OXNAD1: variants seen among roughly 807,000 people sequenced by gnomAD.
The protein encoded by OXNAD1 is oxidoreductase NAD-binding domain-containing protein 1.
A neutral mutation model predicts 32.9 loss-of-function variants in OXNAD1; 34 were observed. That is an observed-to-expected ratio of 1.03 (90% CI 0.79 to 1.38). The LOEUF (loss-of-function observed/expected upper bound fraction) is 1.38, where lower values mean the gene tolerates loss of function less well. OXNAD1 is among the 40% of genes most tolerant of loss of function. The pLI is 0.00. For synonymous variants in OXNAD1, 134 were observed against 135.2 expected (o/e 0.99, Z 0.06); for missense variants, 407 against 379.4 (o/e 1.07, Z -0.60).
chr3:16,312,117 T>G lies in OXNAD1; in HGVS notation c.*30+8525T>G, dbSNP rs2068019419. The stretch of plus-strand genomic sequence containing the variant: ...GGGTTCATTTTCTTAGTCTAGCCAC[T>G]GAAACGATTGTTATCAACAGGAACC... On this transcript the variant is annotated intron_variant, in intron 9 of 9. Coordinates refer to the OXNAD1 transcript ENST00000435829. This position sits in a 1 kb window ranked among gnomAD's most constrained non-coding sequence, Gnocchi z 4.7. 6.6e-6 allele frequency among the ~76,000 whole-genome samples: 1 copy of G among 152,214 alleles called. No individual in the cohort carries two copies. Among genetic ancestry groups the G allele is most frequent in the African/African-American group, 2.4e-5 (1 of 41,458 alleles).
intron 1 of OXNAD1, among the ~76,000 whole-genome samples, chr3:16,266,011 T>A (rs867913283): frequency 6.6e-6 from 1 of 152,232 alleles, no homozygotes; most frequent in Non-Finnish European, 1.5e-5. Context: ...ACCGATTACA[T>A]TGGGTCTTAC....
In OXNAD1 at chr3:16,287,588, A is replaced by G. The variant is rs960989563; in HGVS notation, c.290+1140A>G. On this transcript the variant is annotated intron_variant, in intron 5 of 8. Transcript: ENST00000285083. The surrounding 1 kb of genome is among the most constrained non-coding windows in gnomAD (Gnocchi z 4.8). ...CTTTAATTGTAATGATCTGTTTTCC[A>G]TATTTCCTTTCTGTGGAAATGTTTG... Among the ~76,000 whole-genome samples the G allele has an allele frequency of 2.6e-5, 4 of 152,210 alleles. No individual in the cohort carries two copies. The highest frequency in any genetic ancestry group is 4.8e-5 in the African/African-American group (2 of 41,458).
intron 6 of OXNAD1, among the ~76,000 whole-genome samples, chr3:16,300,856 T>G (rs1309035887): frequency 1.3e-5 from 2 of 152,166 alleles, no homozygotes; most frequent in Non-Finnish European, 2.9e-5. Context: ...TAAATGCCAG[T>G]TGGATTCCCC....
At chr3:16,294,800 TTTAC>T (rs2066661495) in intron 5 of OXNAD1, 52 bp from the exon 6 acceptor site, 3 of 1,549,222 alleles carry the variant, frequency 1.9e-6, no homozygotes, top group Non-Finnish European at 2.6e-6. Context: ...TTCTGTTTAA[TTTAC>T]CAATTTTTAA....
At position 16,346,085 on chromosome 3, in the gene OXNAD1, G is replaced by C. The variant is rs1414023983; in HGVS notation, c.*31-3091G>C. 6.6e-6 allele frequency: 1 copy of C among 152,130 alleles called. No homozygotes were observed. The highest frequency in any genetic ancestry group is 1.5e-5 in the Non-Finnish European group (1 of 68,020). The allele number at this position is 152,130 out of a possible 1,614,324, so 9.4% of individuals were successfully genotyped here. A position where few individuals can be genotyped will look rare whatever the true frequency, so the allele number is the denominator to read the frequency against. ...CCTCTCCCCTCGTCAGATTGAAAAGGTTCCTATGATTTAGGGTCTTCCAGC... is the reference window on the plus strand; with the variant it reads ...CCTCTCCCCTCGTCAGATTGAAAAGCTTCCTATGATTTAGGGTCTTCCAGC... On this transcript the variant is annotated intron_variant, in intron 9 of 9. Coordinates refer to the OXNAD1 transcript ENST00000606098. The surrounding 1 kb of genome is among the most constrained non-coding windows in gnomAD (Gnocchi z 4.4).
At chr3:16,276,737 A>G (rs1198542928) in intron 4 of OXNAD1, 2 of 152,160 alleles carry the variant, frequency 1.3e-5, no homozygotes, top group African/African-American at 4.8e-5. Flanking sequence ...TTATAGGACA[A>G]AATTATTGGG....
chr3:16,328,532 C>G (rs2069963170), intron 9 of OXNAD1, among the ~76,000 whole-genome samples: 1 of 152,192 alleles, frequency 6.6e-6, no homozygotes, highest in Non-Finnish European at 1.5e-5. Context: ...TCACCTGAAC[C>G]CTTGGCGACT....
chr3:16,272,979 C>T lies in OXNAD1; in HGVS notation c.183+1257C>T, dbSNP rs185699063. Reference sequence around the variant, plus strand: ...AATACTTTAGATTTTTTGGGCCGTGCTGTCTTAATTACAACTTCTAATCTT... The same window carrying T: ...AATACTTTAGATTTTTTGGGCCGTGTTGTCTTAATTACAACTTCTAATCTT... On this transcript the variant is annotated intron_variant, in intron 4 of 8. Transcript: ENST00000285083. Among the ~76,000 whole-genome samples, 221 of 152,148 alleles carry T rather than the reference C, an allele frequency of 1.5e-3. 1 individual carries two copies. Among genetic ancestry groups the T allele is most frequent in the African/African-American group, 5.1e-3 (213 of 41,498 alleles).
Position 16,344,897 on chromosome 3 carries a change from G to A in OXNAD1, c.*31-4279G>A, listed in dbSNP as rs886660331. On this transcript the variant is annotated intron_variant, in intron 9 of 9. Coordinates refer to the OXNAD1 transcript ENST00000606098. This position sits in a 1 kb window ranked among gnomAD's most constrained non-coding sequence, Gnocchi z 4.4. ...CACCCCCCAACCTTTTATGCTCACT[G>A]ATTTAATATACTTCAGTTCTCTCTG... Among the ~76,000 whole-genome samples the A allele has an allele frequency of 6.6e-6, 1 of 152,238 alleles. No individual in the cohort carries two copies. Among genetic ancestry groups the A allele is most frequent in the African/African-American group, 2.4e-5 (1 of 41,462 alleles).
chr3:16,285,474 T>C (rs2066012336), intron 4 of OXNAD1, among the ~76,000 whole-genome samples: 1 of 152,216 alleles, frequency 6.6e-6, no homozygotes, highest in Non-Finnish European at 1.5e-5. Context: ...TGTTGTCTTT[T>C]TTCTTTGCTT....
downstream of OXNAD1, among the ~76,000 whole-genome samples, chr3:16,340,561 A>G (rs1263838074): frequency 6.6e-6 from 1 of 152,232 alleles, no homozygotes; most frequent in Non-Finnish European, 1.5e-5. Flanking sequence ...TAAGTTTGGA[A>G]TGGTTAGTTA....
In OXNAD1 at chr3:16,316,902, A is replaced by C. The variant is rs753884494; in HGVS notation, c.*30+13310A>C. The C allele has an allele frequency of 6.2e-7, 1 of 1,614,096 alleles. No individual in the cohort carries two copies. The highest frequency in any genetic ancestry group is 2.2e-5 in the East Asian group (1 of 44,846). ...TCCCTGGCATCCTCTCCAGGATTGG[A>C]GTGCCCAGTGCAAATCCCCACCAGG... On this transcript the variant is annotated intron_variant, in intron 9 of 9. Transcript: ENST00000435829. The surrounding 1 kb of genome is among the most constrained non-coding windows in gnomAD (Gnocchi z 4.5).
chr3:16,267,419 A>G (rs528662356), intron 1 of OXNAD1, among the ~76,000 whole-genome samples: 1 of 152,200 alleles, frequency 6.6e-6, no homozygotes, highest in South Asian at 2.1e-4. Flanking sequence ...TCTTACCCTT[A>G]CTATAGACTG....
chr3:16,313,446 C>T (rs1015477259), intron 9 of OXNAD1: 5 of 152,232 alleles, frequency 3.3e-5, no homozygotes, highest in African/African-American at 1.2e-4. Context: ...GAACCAGTCT[C>T]ATGGCCCCAA....
chr3:16,351,070 A>T (rs934698359), downstream of OXNAD1, among the ~76,000 whole-genome samples: 4 of 152,348 alleles, frequency 2.6e-5, no homozygotes, highest in Admixed American at 2.0e-4. The surrounding 1 kb of genome is among the most constrained non-coding windows in gnomAD (Gnocchi z 5.4). Context: ...ATTACACAGG[A>T]TTCACAGGAT....
intron 5 of OXNAD1, 75 bp from the exon 6 acceptor site, chr3:16,294,781 G>T: frequency 2.1e-6 from 3 of 1,420,660 alleles, no homozygotes; most frequent in Non-Finnish European, 2.9e-6. Flanking sequence ...TCTTGCAAAG[G>T]TTTGTCAATT....
At chr3:16,326,451 A>AC (rs1252410524) in intron 9 of OXNAD1, among the ~76,000 whole-genome samples, 1 of 152,244 alleles carries the variant, frequency 6.6e-6, no homozygotes, top group Admixed American at 6.5e-5. Context: ...CTAGCCTAGC[A>AC]CAAGGCACAT....
rs186438481 is a variant in OXNAD1, at chr3:16,301,910, G to T, written c.675+42G>T. 2 of 1,574,936 alleles carry T rather than the reference G, an allele frequency of 1.3e-6. No individual in the cohort carries two copies. Among genetic ancestry groups the T allele is most frequent in the African/African-American group, 2.7e-5 (2 of 73,320 alleles). On this transcript the variant is annotated intron_variant, in intron 7 of 8. Coordinates refer to ENST00000285083, the MANE Select transcript of OXNAD1 (RefSeq NM_138381.5). The surrounding 1 kb of genome is among the most constrained non-coding windows in gnomAD (Gnocchi z 4.1). ...TTGCTGTAAGCAAACTTGTGTAGTGGTATTAATTGTTCATGAAAGTTTTTT... is the reference window on the plus strand; with the variant it reads ...TTGCTGTAAGCAAACTTGTGTAGTGTTATTAATTGTTCATGAAAGTTTTTT...
intron 9 of OXNAD1, among the ~76,000 whole-genome samples, chr3:16,332,383 G>C (rs2070407172): frequency 6.7e-6 from 1 of 149,968 alleles, no homozygotes; most frequent in African/African-American, 2.5e-5. Context: ...CTATTTTTAA[G>C]ATTCAAAAGC....
Sources: allele counts gnomAD v4.1 joint callset (sites outside exome capture counted in the v4.1 genomes callset), GRCh38; gene constraint gnomAD v4.1.1; non-coding constraint Gnocchi (gnomAD v3.1); transcripts MANE v1.5; gene names NCBI Gene and HGNC (gene_info 2026-07-23, HGNC 2026-07-21).